SPIDR: variants seen among roughly 807,000 people sequenced by gnomAD.
The protein encoded by SPIDR is scaffold protein involved in DNA repair, also known as DNA repair-scaffolding protein.
SPIDR carries 93 observed loss-of-function variants against 104.6 expected under a neutral mutation model. The ratio of observed to expected loss-of-function variants is 0.89; its 90% CI spans 0.75 to 1.06. SPIDR has a LOEUF of 1.06. Ranked by LOEUF, SPIDR falls within the 50% of genes least tolerant of loss-of-function variation. The probability of loss-of-function intolerance (pLI) is 0.00; values close to 1 mark genes in which losing one functional copy is unlikely to be tolerated. For missense variants in SPIDR, 1,154 were observed against 1,111.2 expected (o/e 1.04, Z -0.55); for synonymous variants, 431 against 416.9 (o/e 1.03, Z -0.41).
intron 5 of SPIDR, among the ~76,000 whole-genome samples, chr8:47,295,897 T>A (rs2154241721): frequency 6.6e-6 from 1 of 152,286 alleles, no homozygotes; most frequent in East Asian, 1.9e-4. Flanking sequence ...ATAATTTACA[T>A]TCCCACCAAC....
chr8:47,626,611 T>G (rs1563354449), intron 10 of SPIDR, among the ~76,000 whole-genome samples: 1 of 152,154 alleles, frequency 6.6e-6, no homozygotes, highest in Non-Finnish European at 1.5e-5. Flanking sequence ...AGAAGACATT[T>G]ATGCAGCCAG....
At chr8:47,733,355 C>G (rs2085581405) in intron 19 of SPIDR, among the ~76,000 whole-genome samples, 1 of 152,172 alleles carries the variant, frequency 6.6e-6, no homozygotes, top group African/African-American at 2.4e-5. Flanking sequence ...CCACTCCATT[C>G]CAGCCTGGGT....
intron 8 of SPIDR, among the ~76,000 whole-genome samples, chr8:47,496,850 A>G (rs898671228): frequency 1.4e-5 from 2 of 147,260 alleles, no homozygotes; most frequent in African/African-American, 5.2e-5. Context: ...GTTTGTCAGA[A>G]GTTTTAAGTT....
chr8:47,331,942 T>G (rs1211901989), intron 5 of SPIDR, among the ~76,000 whole-genome samples: 1 of 146,966 alleles, frequency 6.8e-6, no homozygotes, highest in African/African-American at 2.5e-5. Flanking sequence ...TCAGCTTTTT[T>G]CTATTTAAAA....
At chr8:47,660,343 C>A in intron 10 of SPIDR, 1 of 577,474 alleles carries the variant, frequency 1.7e-6, no homozygotes, top group Non-Finnish European at 2.2e-6. Flanking sequence ...CCAACGTGAA[C>A]AGGGAACCTC....
chr8:47,511,086 C>A, intron 8 of SPIDR: 5 of 1,239,948 alleles, frequency 4.0e-6, no homozygotes, highest in South Asian at 1.2e-5. Flanking sequence ...CCTTCAGGGT[C>A]CAGCTCTCGT....
At position 47,660,574 on chromosome 8, in the gene SPIDR, C is replaced by T. The variant is rs192584077; in HGVS notation, c.1545-13227C>T. The T allele has an allele frequency of 3.5e-5, 34 of 961,862 alleles. No homozygotes were observed. In the African/African-American group the frequency reaches 5.6e-4, roughly 16 times the overall value. The allele number at this position is 961,862 out of a possible 1,614,324, so 59.6% of individuals were successfully genotyped here. On this transcript the variant is annotated intron_variant, in intron 10 of 19. Coordinates refer to ENST00000297423, the MANE Select transcript of SPIDR (RefSeq NM_001080394.4). ...CTTTCTGACTGCTGCCTTGTTTTCC[C>T]AGTTGAGAGGGGTGAAGTGTGGGTG...
intron 5 of SPIDR, among the ~76,000 whole-genome samples, chr8:47,350,345 G>A (rs782811088): frequency 7.2e-5 from 11 of 152,170 alleles, no homozygotes; most frequent in African/African-American, 1.4e-4. Context: ...ATAGAGTCTC[G>A]CTCTGTCACC....
chr8:47,580,979 G>C (rs2059642203), intron 8 of SPIDR, among the ~76,000 whole-genome samples: 1 of 152,184 alleles, frequency 6.6e-6, no homozygotes. Flanking sequence ...ACAGAGAAAA[G>C]AGCAACTTTT....
At chr8:47,447,621 AGCATCAG>A (rs2070913318) in intron 8 of SPIDR, among the ~76,000 whole-genome samples, 1 of 152,242 alleles carries the variant, frequency 6.6e-6, no homozygotes, top group African/African-American at 2.4e-5. Flanking sequence ...TTGATAAAGC[AGCATCAG>A]GTTTGAGAGG....
intron 8 of SPIDR, among the ~76,000 whole-genome samples, chr8:47,459,806 C>T (rs1037589722): frequency 1.3e-5 from 2 of 152,018 alleles, no homozygotes; most frequent in Non-Finnish European, 2.9e-5. Flanking sequence ...CCACCTTTGC[C>T]GTCTCCCAGG....
At chr8:47,541,003 G>A (rs1436453002) in intron 8 of SPIDR, among the ~76,000 whole-genome samples, 1 of 152,072 alleles carries the variant, frequency 6.6e-6, no homozygotes, top group Admixed American at 6.6e-5. Flanking sequence ...GGGAATACAG[G>A]TGTCTACCAT....
intron 5 of SPIDR, among the ~76,000 whole-genome samples, chr8:47,325,016 G>C (rs1031304025): frequency 9.2e-5 from 14 of 151,976 alleles, no homozygotes; most frequent in African/African-American, 3.1e-4. Context: ...ATTGGATTAG[G>C]GCCCACCCTA....
Position 47,700,409 on chromosome 8 carries a change from G to C in SPIDR, c.1692G>C (p.Ala564=). ...VLQKVTRGRT[A]GIFSLIDTLW... is the part of the protein sequence containing the mutation. ...TTGACTTTTCTTGTTCCAGGACAGCGGGGATTTTCAGTTTGATTGACACCC... is the reference window on the plus strand; with the variant it reads ...TTGACTTTTCTTGTTCCAGGACAGCCGGGATTTTCAGTTTGATTGACACCC... The change falls in exon 12 of 20, where the codon GCG becomes GCC. Residue 564 remains alanine, a synonymous_variant. Transcript: ENST00000297423. 6.2e-7 allele frequency: 1 copy of C among 1,614,176 alleles called. No homozygotes were observed. The highest frequency in any genetic ancestry group is 8.5e-7 in the Non-Finnish European group (1 of 1,180,032).
At chr8:47,584,960 C>A (rs1019623153) in intron 8 of SPIDR, among the ~76,000 whole-genome samples, 1 of 151,868 alleles carries the variant, frequency 6.6e-6, no homozygotes, top group Non-Finnish European at 1.5e-5. Context: ...CGGCTATTGG[C>A]TTAAAATAAT....
chr8:47,555,565 C>T (rs77553275), intron 8 of SPIDR, among the ~76,000 whole-genome samples: 8,010 of 152,248 alleles, frequency 0.053, 292 homozygotes, highest in Non-Finnish European at 0.08. Context: ...ATAGTGTTAA[C>T]AGCTGAAGTG....
intron 8 of SPIDR, among the ~76,000 whole-genome samples, chr8:47,544,586 C>G (rs2088891197): frequency 6.6e-6 from 1 of 152,156 alleles, no homozygotes; most frequent in South Asian, 2.1e-4. Context: ...TCCAATTTCT[C>G]CACCATTTGT....
intron 8 of SPIDR, among the ~76,000 whole-genome samples, chr8:47,556,215 C>A (rs1202965621): frequency 1.3e-5 from 2 of 152,304 alleles, no homozygotes; most frequent in Non-Finnish European, 2.9e-5. Flanking sequence ...CTGAAGATAG[C>A]TGGCTGATCT....
intron 7 of SPIDR, among the ~76,000 whole-genome samples, chr8:47,414,298 A>C (rs1444829978): frequency 6.6e-6 from 1 of 152,202 alleles, no homozygotes; most frequent in Non-Finnish European, 1.5e-5. Context: ...GCTTCTCTGG[A>C]TAGAAAAATA....
Sources: allele counts gnomAD v4.1 joint callset (sites outside exome capture counted in the v4.1 genomes callset), GRCh38; gene constraint gnomAD v4.1.1; transcripts MANE v1.5; gene names NCBI Gene and HGNC (gene_info 2026-07-23, HGNC 2026-07-21).